NCOR2: variants seen among roughly 807,000 people sequenced by gnomAD.
The protein encoded by NCOR2 is CTG repeat protein 26.
NCOR2 carries 81 observed loss-of-function variants against 262.9 expected under a neutral mutation model. The ratio of observed to expected loss-of-function variants is 0.31; its 90% CI spans 0.26 to 0.37. The LOEUF is 0.37. NCOR2 is among the 10% of genes least tolerant of loss of function. NCOR2 has a pLI of 1.00. For synonymous variants in NCOR2, 1,659 were observed against 1,559.3 expected (o/e 1.06, Z -1.51); for missense variants, 3,385 against 3,621.4 (o/e 0.93, Z 1.68).
exon 20 of NCOR2, chr12:124,372,161 C>A: frequency 1.2e-6 from 2 of 1,601,242 alleles, no homozygotes; most frequent in South Asian, 1.1e-5. Flanking sequence ...GCCTTGAGCG[C>A]CCCCTCGGCC....
At chr12:124,337,041 C>T (rs771756757) in exon 38 of NCOR2, 9 of 1,497,424 alleles carry the variant, frequency 6.0e-6, no homozygotes, top group South Asian at 2.8e-5. Flanking sequence ...TCTGGCCGGG[C>T]GACCCGGGGG....
chr12:124,505,597 C>T (rs868829411), intron 1 of NCOR2, among the ~76,000 whole-genome samples: 1 of 152,304 alleles, frequency 6.6e-6, no homozygotes, highest in African/African-American at 2.4e-5. Flanking sequence ...ATCCCAACTC[C>T]GCCACTTCCA....
At chr12:124,358,640 G>A (rs1251148411) in intron 22 of NCOR2, among the ~76,000 whole-genome samples, 1 of 152,186 alleles carries the variant, frequency 6.6e-6, no homozygotes, top group Non-Finnish European at 1.5e-5. Context: ...ACACCAATGG[G>A]CTCATCTGAG....
intron 13 of NCOR2, among the ~76,000 whole-genome samples, chr12:124,408,226 C>A (rs1354114367): frequency 6.6e-6 from 1 of 152,004 alleles, no homozygotes; most frequent in Non-Finnish European, 1.5e-5. Flanking sequence ...TGGTGGCGGG[C>A]GCCTGTAGTC....
At chr12:124,381,931 G>A (rs556048339) in intron 17 of NCOR2, among the ~76,000 whole-genome samples, 6 of 152,320 alleles carry the variant, frequency 3.9e-5, no homozygotes, top group East Asian at 3.9e-4. Flanking sequence ...TGCCCCGCCC[G>A]CCCGGCCGCC....
intron 16 of NCOR2, among the ~76,000 whole-genome samples, chr12:124,387,430 C>T (rs964260916): frequency 1.4e-4 from 22 of 152,244 alleles, no homozygotes; most frequent in African/African-American, 4.3e-4. Flanking sequence ...TTCCCATCCC[C>T]AGGAGGGGGA....
chr12:124,325,296 G>C, exon 47 of NCOR2: 1 of 701,972 alleles, frequency 1.4e-6, no homozygotes, highest in Non-Finnish European at 2.1e-6. Context: ...GCGGACTCAG[G>C]GGCTCCTTCC....
In NCOR2 at chr12:124,481,490, C is replaced by T. The variant is rs564846557; in HGVS notation, c.411+2106G>A. On this transcript the variant is annotated intron_variant, in intron 3 of 46. Coordinates refer to ENST00000405201, the Ensembl canonical transcript of NCOR2. The surrounding 1 kb of genome is among the most constrained non-coding windows in gnomAD (Gnocchi z 4.6). ...CACAGGTCTCCCCTGCCATGCAGGC[C>T]CTGGAGGGCAGCCAGGGCTGGAAGG... 1.3e-5 allele frequency among the ~76,000 whole-genome samples: 2 copies of T among 152,258 alleles called. No homozygotes were observed. Among genetic ancestry groups the T allele is most frequent in the South Asian group, 2.1e-4 (1 of 4,824 alleles).
intron 22 of NCOR2, 96 bp from the exon 25 acceptor site, chr12:124,356,878 C>A: frequency 7.4e-7 from 1 of 1,359,394 alleles, no homozygotes; most frequent in Non-Finnish European, 9.5e-7. Flanking sequence ...CTTCCTGCAC[C>A]CACAGTAGTG....
Position 124,422,199 on chromosome 12 carries a change from G to A in NCOR2, c.1383+302C>T, listed in dbSNP as rs549662273. ...CCTTTGAGGAGCTGGCAGGAGACCCGTCGGGCACACGGGGCTCCAGGAAGC... is the reference window on the plus strand; with the variant it reads ...CCTTTGAGGAGCTGGCAGGAGACCCATCGGGCACACGGGGCTCCAGGAAGC... On this transcript the variant is annotated intron_variant, in intron 12 of 46. Transcript: ENST00000405201. Among the ~76,000 whole-genome samples the A allele has an allele frequency of 3.3e-5, 5 of 152,348 alleles. No homozygotes were observed. In the East Asian group the frequency reaches 7.7e-4, roughly 24 times the overall value.
chr12:124,445,273 C>G (rs1166402386), intron 7 of NCOR2, among the ~76,000 whole-genome samples: 1 of 152,208 alleles, frequency 6.6e-6, no homozygotes, highest in East Asian at 1.9e-4. Context: ...CCTGGAGCAT[C>G]CTGCCCAGGG....
intron 38 of NCOR2, 181 bp from the exon 41 acceptor site, chr12:124,335,813 GC>G: frequency 1.6e-6 from 1 of 643,218 alleles, no homozygotes; most frequent in South Asian, 2.1e-5. Context: ...AGACAGGGAG[GC>G]CAAGGGAGAG....
At chr12:124,420,744 C>T (rs1159897187) in intron 12 of NCOR2, among the ~76,000 whole-genome samples, 1 of 152,118 alleles carries the variant, frequency 6.6e-6, no homozygotes, top group Non-Finnish European at 1.5e-5. Flanking sequence ...GGGCATGGAG[C>T]CCAGCTTGCC....
At chr12:124,528,819 TTTC>T (rs1451668658) in intron 1 of NCOR2, among the ~76,000 whole-genome samples, 2 of 152,188 alleles carry the variant, frequency 1.3e-5, no homozygotes, top group Non-Finnish European at 2.9e-5. Context: ...ATGAGTTTCA[TTTC>T]TTATCGGAAT....
intron 1 of NCOR2, among the ~76,000 whole-genome samples, chr12:124,552,270 G>A (rs2051736670): frequency 6.6e-6 from 1 of 152,006 alleles, no homozygotes; most frequent in South Asian, 2.1e-4. Flanking sequence ...GCAGTGAGCT[G>A]CGAATGGAGC....
Position 124,408,284 on chromosome 12 carries a change from G to T in NCOR2, c.1483-5723C>A, listed in dbSNP as rs182462662. Among the ~76,000 whole-genome samples the T allele has an allele frequency of 6.2e-3, 947 of 151,970 alleles. 10 individuals carry two copies. The highest frequency in any genetic ancestry group is 0.022 in the African/African-American group (913 of 41,408). On this transcript the variant is annotated intron_variant, in intron 13 of 46. Transcript: ENST00000405201. ...CAGGAGAATGGTGTGAACCCGGGAG[G>T]CGGAGCTTGCAGTGAGCCAAGATCG...
At chr12:124,465,976 G>C (rs192759694) in intron 5 of NCOR2, among the ~76,000 whole-genome samples, 197 bp downstream of exon 7, 1 of 152,306 alleles carries the variant, frequency 6.6e-6, no homozygotes, top group Admixed American at 6.5e-5. Flanking sequence ...GAGCAGAACA[G>C]CCCAGAGGCC....
chr12:124,515,200 T>G (rs2049652368), intron 1 of NCOR2, among the ~76,000 whole-genome samples: 1 of 152,018 alleles, frequency 6.6e-6, no homozygotes, highest in Non-Finnish European at 1.5e-5. Context: ...GGGGGAGTCC[T>G]CTACTAAAAA....
At chr12:124,396,914 G>T (rs903074386) in intron 16 of NCOR2, among the ~76,000 whole-genome samples, 2 of 152,168 alleles carry the variant, frequency 1.3e-5, no homozygotes, top group Non-Finnish European at 2.9e-5. Context: ...CATAAGTCAC[G>T]ACCTGGAGCT....
Sources: gnomAD v4.1 joint callset for allele counts (sites outside exome capture counted in the v4.1 genomes callset) on GRCh38, gnomAD v4.1.1 for gene constraint, Gnocchi (gnomAD v3.1) non-coding constraint, MANE v1.5 for transcripts, NCBI Gene and HGNC (gene_info 2026-07-23, HGNC 2026-07-21) for gene names.